RAD52: variants seen among roughly 807,000 people sequenced by gnomAD.
RAD52 encodes RAD52 DNA repair protein, also known as DNA repair protein RAD52 homolog.
Under a neutral mutation model 55.5 loss-of-function variants are expected in RAD52, and 47 were observed. The observed-to-expected ratio is 0.85, with a 90% CI of 0.67 to 1.08. The LOEUF is 1.08. Among genes scored for constraint, RAD52 ranks in the 50% least tolerant of loss-of-function variants. RAD52 has a pLI of 0.00. For missense variants in RAD52, 468 were observed against 522.8 expected, an observed-to-expected ratio of 0.90 and a Z score of 1.02; for synonymous variants, 184 against 198.9, an observed-to-expected ratio of 0.92 and a Z score of 0.63.
chr12:929,779 A>G, intron 5 of RAD52, 40 bp downstream of exon 5: 1 of 1,578,042 alleles, frequency 6.3e-7, no homozygotes, highest in Non-Finnish European at 8.7e-7. Flanking sequence ...CCTACCACCC[A>G]CTGATCCTTC....
chr12:923,364 C>A (rs1266912814), intron 7 of RAD52, among the ~76,000 whole-genome samples: 1 of 151,366 alleles, frequency 6.6e-6, no homozygotes, highest in Non-Finnish European at 1.5e-5. Context: ...AATTCTGTCT[C>A]TACAAAAAAA....
chr12:916,854 C>T (rs2154108987), intron 7 of RAD52, 34 bp from the exon 8 acceptor site: 2 of 1,581,682 alleles, frequency 1.3e-6, no homozygotes, highest in South Asian at 2.3e-5. Flanking sequence ...ATTCCTTCAA[C>T]TGGCTCTTGC....
chr12:973,230 C>T (rs1435352500), intron 1 of RAD52, among the ~76,000 whole-genome samples: 4 of 151,882 alleles, frequency 2.6e-5, no homozygotes, highest in Non-Finnish European at 5.9e-5. Flanking sequence ...CCACCACACC[C>T]GGCTAAGTTT....
intron 1 of RAD52, among the ~76,000 whole-genome samples, chr12:981,079 C>T (rs1283583954): frequency 6.6e-6 from 1 of 151,858 alleles, no homozygotes; most frequent in East Asian, 1.9e-4. Flanking sequence ...CCTGTAATCT[C>T]AGCATTTTGG....
At chr12:945,452 T>G (rs957772311) in intron 1 of RAD52, among the ~76,000 whole-genome samples, 4 of 151,806 alleles carry the variant, frequency 2.6e-5, no homozygotes, top group Non-Finnish European at 4.4e-5. Flanking sequence ...CTTTTTTTTT[T>G]TGAGGGGGAG....
chr12:965,788 T>A (rs1273935528), intron 1 of RAD52, among the ~76,000 whole-genome samples: 1 of 151,788 alleles, frequency 6.6e-6, no homozygotes, highest in African/African-American at 2.4e-5. Context: ...CAGGTTCAAG[T>A]GATTTTTCAT....
chr12:966,011 C>T (rs1958761936), intron 1 of RAD52, among the ~76,000 whole-genome samples: 1 of 152,030 alleles, frequency 6.6e-6, no homozygotes, highest in Non-Finnish European at 1.5e-5. Context: ...GGATCTCCCT[C>T]TGTCACCCAG....
intron 7 of RAD52, among the ~76,000 whole-genome samples, chr12:923,836 TTA>T (rs1214202440): frequency 2.0e-5 from 3 of 149,740 alleles, no homozygotes; most frequent in Admixed American, 6.7e-5. Context: ...GGCAGGCGGA[TTA>T]CTTGAGGTCA....
At chr12:966,063 A>G (rs1476597462) in intron 1 of RAD52, among the ~76,000 whole-genome samples, 2 of 151,808 alleles carry the variant, frequency 1.3e-5, no homozygotes, top group South Asian at 2.1e-4. Flanking sequence ...TGCAGCCTCA[A>G]CCTCCTGGGC....
chr12:945,985 C>T (rs999947108), intron 1 of RAD52, among the ~76,000 whole-genome samples: 4 of 151,670 alleles, frequency 2.6e-5, no homozygotes, highest in African/African-American at 7.3e-5. Context: ...ATCACGCCAC[C>T]GCACTCCAGC....
At chr12:930,245 G>C in intron 3 of RAD52, 101 bp from the exon 4 acceptor site, 8 of 968,244 alleles carry the variant, frequency 8.3e-6, no homozygotes, top group Non-Finnish European at 1.1e-5. Context: ...TACTTTTTTC[G>C]ATAAACTGTC....
At chr12:976,654 G>C (rs552597476) in intron 1 of RAD52, 1 of 152,316 alleles carries the variant, frequency 6.6e-6, no homozygotes, top group African/African-American at 2.4e-5. Flanking sequence ...ATACCATGGA[G>C]TGACCTCAGG....
intron 1 of RAD52, among the ~76,000 whole-genome samples, chr12:972,917 G>A: frequency 6.6e-6 from 1 of 152,226 alleles, no homozygotes; most frequent in East Asian, 1.9e-4. Flanking sequence ...GGCAAATTTT[G>A]TAGGACATTA....
At chr12:921,222 C>T (rs1956710768) in intron 7 of RAD52, among the ~76,000 whole-genome samples, 1 of 151,596 alleles carries the variant, frequency 6.6e-6, no homozygotes, top group South Asian at 2.1e-4. Flanking sequence ...AAAAAAGTTA[C>T]ACCCAAAGCT....
chr12:930,835 C>T (rs1008914746), intron 3 of RAD52, among the ~76,000 whole-genome samples: 4 of 151,804 alleles, frequency 2.6e-5, no homozygotes, highest in Non-Finnish European at 4.4e-5. Flanking sequence ...GGTGTGGTGG[C>T]GTGTGCCTGT....
At chr12:989,899 G>C (rs1959162991) in exon 1 of RAD52, 1 of 152,188 alleles carries the variant, frequency 6.6e-6, no homozygotes, top group Admixed American at 6.5e-5. Flanking sequence ...ACTTTTCCTG[G>C]GTAAATAGCC....
At chr12:941,323 AT>A (rs920290595) in intron 1 of RAD52, among the ~76,000 whole-genome samples, 136 of 148,014 alleles carry the variant, frequency 9.2e-4, no homozygotes, top group Middle Eastern at 3.5e-3. Context: ...AACTAAAAGA[AT>A]TTTTTTTTTT....
intron 6 of RAD52, 196 bp downstream of exon 6, chr12:926,949 G>A: frequency 1.9e-6 from 3 of 1,541,496 alleles, no homozygotes; most frequent in Non-Finnish European, 2.6e-6. Flanking sequence ...AGGGAAGCCT[G>A]AAACAGAAAC....
intron 1 of RAD52, among the ~76,000 whole-genome samples, chr12:978,620 G>A (rs919877029): frequency 1.3e-5 from 2 of 152,120 alleles, no homozygotes; most frequent in African/African-American, 4.8e-5. Flanking sequence ...GGGCAACACA[G>A]TGAAACCCCG....
Sources: gnomAD v4.1 joint callset for allele counts (sites outside exome capture counted in the v4.1 genomes callset) on GRCh38, gnomAD v4.1.1 for gene constraint, MANE v1.5 for transcripts, NCBI Gene and HGNC (gene_info 2026-07-23, HGNC 2026-07-21) for gene names.